The following YBX3 variants were observed in gnomAD, a reference collection of about 807,000 sequenced individuals.
The protein encoded by YBX3 is Y-box binding protein 3.
YBX3 carries 29 observed loss-of-function variants against 42.4 expected under a neutral mutation model. The observed-to-expected ratio is 0.68, with a 90% CI of 0.51 to 0.93. The LOEUF (loss-of-function observed/expected upper bound fraction) is 0.93, where lower values mean the gene tolerates loss of function less well. Ranked by LOEUF, YBX3 falls within the 40% of genes least tolerant of loss-of-function variation. The probability of loss-of-function intolerance (pLI) is 0.00; values close to 1 mark genes in which losing one functional copy is unlikely to be tolerated. For synonymous variants in YBX3, 195 were observed against 189.8 expected (o/e 1.03, Z -0.22); for missense variants, 517 against 527.5 (o/e 0.98, Z 0.19).
intron 7 of YBX3, chr12:10,703,318 G>C (rs1268046472): frequency 1.3e-5 from 2 of 153,548 alleles, no homozygotes; most frequent in Admixed American, 6.5e-5. Flanking sequence ...TAAGATAAAA[G>C]AATGGGCAGG....
intron 2 of YBX3, 129 bp from the exon 3 acceptor site, chr12:10,718,250 C>G: frequency 1.3e-6 from 1 of 763,682 alleles, no homozygotes; most frequent in Non-Finnish European, 2.0e-6. Context: ...ATTTTCTACA[C>G]TCAATTCAGA....
chr12:10,713,081 A>G (rs1228804746), intron 5 of YBX3, 130 bp downstream of exon 5: 2 of 1,235,690 alleles, frequency 1.6e-6, no homozygotes, highest in East Asian at 5.2e-5. Context: ...TCCTCTAAAG[A>G]AAAAATAAAA....
intron 5 of YBX3, chr12:10,711,268 T>C (rs1354287217): frequency 6.6e-6 from 1 of 152,180 alleles, no homozygotes; most frequent in African/African-American, 2.4e-5. Context: ...CAAATGTCTT[T>C]AATGGGAAGT....
chr12:10,719,762 T>C (rs924003826), intron 1 of YBX3, among the ~76,000 whole-genome samples: 5 of 152,168 alleles, frequency 3.3e-5, no homozygotes, highest in African/African-American at 1.2e-4. Context: ...CATGATGAAT[T>C]TGGGCTTGTT....
intron 1 of YBX3, chr12:10,720,764 A>G (rs1948315445): frequency 6.6e-6 from 1 of 152,206 alleles, no homozygotes; most frequent in African/African-American, 2.4e-5. Flanking sequence ...TAAAGGAAAA[A>G]GATGATAAAT....
In YBX3 at chr12:10,702,074, A is replaced by C. The variant is rs1401455117; in HGVS notation, c.939T>G (p.Asn313Lys). The C allele has an allele frequency of 1.2e-6, 2 of 1,614,062 alleles. No individual in the cohort carries two copies. Among genetic ancestry groups the C allele is most frequent in the Admixed American group, 1.7e-5 (1 of 60,002 alleles). ...GGTTTGGACCACTGGTGGCTTGCTG[A>C]TTTTCTTTATCTTCAGCCTCTCCAA... is the stretch of plus-strand genomic sequence containing the variant. ...PAVGEAEDKENQQATSGPNQP... is the reference protein window; with the variant it reads ...PAVGEAEDKEKQQATSGPNQP... The change falls in exon 8 of 10, where the codon AAT becomes AAG. Residue 313 changes from asparagine to lysine, a missense_variant. Physicochemically the swap from Asn to Lys is moderately conservative, Grantham distance 94. Around this residue, in one of 3 missense-constraint regions of YBX3, gnomAD observed 420 missense variants for 408.5 expected, o/e 1.03. Coordinates refer to ENST00000228251, the MANE Select transcript of YBX3 (RefSeq NM_003651.5).
chr12:10,701,068 T>TTAAA (rs1948072657), intron 9 of YBX3, among the ~76,000 whole-genome samples, 186 bp downstream of exon 9: 1 of 152,184 alleles, frequency 6.6e-6, no homozygotes, highest in Non-Finnish European at 1.5e-5. Flanking sequence ...CCAAAGCTTA[T>TTAAA]CAAAATGAGG....
intron 6 of YBX3, among the ~76,000 whole-genome samples, chr12:10,705,596 T>C (rs1948128498): frequency 6.6e-6 from 1 of 152,244 alleles, no homozygotes; most frequent in Non-Finnish European, 1.5e-5. Context: ...TAATGTTCAC[T>C]TTGATAAGTG....
rs1948350663 is a variant in YBX3 at position 10,722,998 on chromosome 12, G to A, written c.114C>T (p.Ser38=). The change falls in exon 1 of 10, where the codon AGC becomes AGT. Residue 38 remains serine, a synonymous_variant. Coordinates refer to ENST00000228251, the MANE Select transcript of YBX3 (RefSeq NM_003651.5). ...CCGGGGCCGCGGCCTGGGGCGCACCGCTGCCCACCGGGCTCTTGGGCGCGG... is the reference window on the plus strand; with the variant it reads ...CCGGGGCCGCGGCCTGGGGCGCACCACTGCCCACCGGGCTCTTGGGCGCGG... ...QDPAPKSPVG[S]GAPQAAAPAP... 4.1e-6 allele frequency: 5 copies of A among 1,212,494 alleles called. No homozygotes were observed. Among genetic ancestry groups the A allele is most frequent in the East Asian group, 3.5e-5 (1 of 28,888 alleles). 75.1% of individuals were successfully genotyped at this position (1,212,494 alleles called of 1,614,324 possible). A position where few individuals can be genotyped will look rare whatever the true frequency, so the allele number is the denominator to read the frequency against.
chr12:10,703,910 A>C, intron 7 of YBX3, 141 bp downstream of exon 7: 1 of 696,774 alleles, frequency 1.4e-6, no homozygotes, highest in Non-Finnish European at 2.4e-6. Context: ...TCACACCACC[A>C]CCTGAAAACT....
intron 8 of YBX3, among the ~76,000 whole-genome samples, chr12:10,701,567 A>AACAAAAC (rs1948079362): frequency 6.6e-6 from 1 of 151,504 alleles, no homozygotes. Flanking sequence ...AAAAACAAAA[A>AACAAAAC]ACAAAACAAA....
At chr12:10,702,596 A>C (rs1339711206) in intron 7 of YBX3, 1 of 152,448 alleles carries the variant, frequency 6.6e-6, no homozygotes, top group Non-Finnish European at 1.5e-5. Flanking sequence ...AATGGAATAG[A>C]GGTTTCACGA....
intron 2 of YBX3, 54 bp from the exon 3 acceptor site, chr12:10,718,175 TAAAAG>T: frequency 2.6e-6 from 4 of 1,531,840 alleles, no homozygotes; most frequent in Non-Finnish European, 3.6e-6. Flanking sequence ...TGGAAAAACT[TAAAAG>T]AACCTATGTG....
At chr12:10,715,852 A>G (rs1948256074) in intron 3 of YBX3, 69 bp from the exon 4 acceptor site, 1 of 1,271,582 alleles carries the variant, frequency 7.9e-7, no homozygotes, top group Non-Finnish European at 1.1e-6. Flanking sequence ...ACTGCTTTCA[A>G]GTACACCAGA....
Position 10,709,928 on chromosome 12 carries a change from G to C in YBX3, c.760C>G (p.Pro254Ala), listed in dbSNP as rs1469582980. 1.9e-6 allele frequency: 3 copies of C among 1,613,954 alleles called. No homozygotes were observed. The South Asian group carries it at 3.3e-5, about 18-fold the overall frequency. The change falls in exon 6 of 10, where the codon CCC becomes GCC. Residue 254 changes from proline (P) to alanine (A), a missense_variant. Coordinates refer to ENST00000228251, the MANE Select transcript of YBX3 (RefSeq NM_003651.5). ...TTTACCTGTATTCTGTTGGGATGGG[G>C]TAAGACCCGTGAGCGACGGTCAAAG... is the stretch of plus-strand genomic sequence containing the variant. ...QTFDRRSRVL[P>A]HPNRIQAGEI...
intron 1 of YBX3, among the ~76,000 whole-genome samples, chr12:10,721,406 G>T (rs1387080992): frequency 6.6e-6 from 1 of 152,164 alleles, no homozygotes; most frequent in Non-Finnish European, 1.5e-5. Context: ...TACAAAATAA[G>T]GTATCATTAA....
chr12:10,719,816 A>C (rs1002687300), intron 1 of YBX3, among the ~76,000 whole-genome samples: 7 of 152,346 alleles, frequency 4.6e-5, no homozygotes, highest in African/African-American at 1.7e-4. Flanking sequence ...ATCAAACTTA[A>C]GCATTTTTCC....
chr12:10,701,202 G>C, intron 9 of YBX3, 52 bp downstream of exon 9: 3 of 754,170 alleles, frequency 4.0e-6, no homozygotes. Context: ...TGAGAAACCA[G>C]TGATACTAAA....
chr12:10,710,579 G>A (rs1591578204), intron 5 of YBX3: 2 of 1,251,918 alleles, frequency 1.6e-6, no homozygotes, highest in East Asian at 6.0e-5. Flanking sequence ...GTAAAGTGTG[G>A]ATGGGATTTC....
Sources: allele counts gnomAD v4.1 joint callset (sites outside exome capture counted in the v4.1 genomes callset), GRCh38; gene constraint gnomAD v4.1.1; regional missense constraint gnomAD v4.1.1; transcripts MANE v1.5; gene names NCBI Gene and HGNC (gene_info 2026-07-23, HGNC 2026-07-21).